The following PAQR3 variants were observed in gnomAD, a reference collection of about 807,000 sequenced individuals.
The protein encoded by PAQR3 is Raf kinase trapping to Golgi.
PAQR3 carries 39 observed loss-of-function variants against 41.7 expected under a neutral mutation model. The observed-to-expected ratio is 0.93, with a 90% CI of 0.72 to 1.22. The LOEUF is 1.22. Ranked by LOEUF, PAQR3 falls within the 50% of genes most tolerant of loss-of-function variation. The probability of loss-of-function intolerance (pLI) is 0.00; values close to 1 mark genes in which losing one functional copy is unlikely to be tolerated. For synonymous variants in PAQR3, 140 were observed against 140.6 expected, an observed-to-expected ratio of 1.00 and a Z score of 0.03; for missense variants, 366 against 385.6, an observed-to-expected ratio of 0.95 and a Z score of 0.42.
In PAQR3 at chr4:78,916,424, T is replaced by A. The variant is rs1306224908; in HGVS notation, c.*4115A>T. On this transcript the variant is annotated 3_prime_UTR_variant, in exon 6 of 6. Transcript: ENST00000512733. ...ATTATGACTTTTGGATGTAAACTTC[T>A]ATTCAAATTCAGTTATTTCATTCAC... 6.6e-6 allele frequency: 1 copy of A among 151,994 alleles called. No individual in the cohort carries two copies. The highest frequency in any genetic ancestry group is 1.5e-5 in the Non-Finnish European group (1 of 67,900). 9.4% of individuals were successfully genotyped at this position (151,994 alleles called of 1,614,324 possible). A position where few individuals can be genotyped will look rare whatever the true frequency, so the allele number is the denominator to read the frequency against.
At chr4:78,892,298 T>C (rs894754867) in intron 11 of PAQR3, among the ~76,000 whole-genome samples, 1 of 152,106 alleles carries the variant, frequency 6.6e-6, no homozygotes, top group African/African-American at 2.4e-5. Flanking sequence ...TTTTCTTACA[T>C]TGTAAATTTT....
In PAQR3 at chr4:78,918,663, C is replaced by G; in HGVS notation, c.*1876G>C. The G allele has an allele frequency of 1.1e-6, 1 of 950,010 alleles. No individual in the cohort carries two copies. The highest frequency in any genetic ancestry group is 1.3e-6 in the Non-Finnish European group (1 of 797,722). 58.8% of individuals were successfully genotyped at this position (950,010 alleles called of 1,614,324 possible). Reference sequence around the variant, plus strand: ...CAAATGGCAAGTATGTATTCATATACTAATACAGGGACTGCAAAAATTGAA... The same window carrying G: ...CAAATGGCAAGTATGTATTCATATAGTAATACAGGGACTGCAAAAATTGAA... On this transcript the variant is annotated 3_prime_UTR_variant, in exon 6 of 6. Transcript: ENST00000512733.
chr4:78,917,869 T>C lies in PAQR3; in HGVS notation c.*2670A>G. 1 of 985,466 alleles carries C rather than the reference T, an allele frequency of 1.0e-6. No individual in the cohort carries two copies. Among genetic ancestry groups the C allele is most frequent in the South Asian group, 4.7e-5 (1 of 21,284 alleles). The allele number at this position is 985,466 out of a possible 1,614,324, so 61.0% of individuals were successfully genotyped here. A position where few individuals can be genotyped will look rare whatever the true frequency, so the allele number is the denominator to read the frequency against. On this transcript the variant is annotated 3_prime_UTR_variant, in exon 6 of 6. Coordinates refer to ENST00000512733, the MANE Select transcript of PAQR3 (RefSeq NM_001040202.2). Reference sequence around the variant, plus strand: ...GATGTGACAGACATTCCCTGAATCTTCGTTCCTGATTCTAAAATATGATTT... The same window carrying C: ...GATGTGACAGACATTCCCTGAATCTCCGTTCCTGATTCTAAAATATGATTT...
Position 78,913,387 on chromosome 4 carries a change from A to G in PAQR3, c.*7152T>C, listed in dbSNP as rs1257253926. 1.6e-4 allele frequency: 25 copies of G among 152,184 alleles called. No individual in the cohort carries two copies. Among genetic ancestry groups the G allele is most frequent in the Admixed American group, 1.6e-3 (25 of 15,272 alleles). 9.4% of individuals were successfully genotyped at this position (152,184 alleles called of 1,614,324 possible). ...AGAAACTTGAGGTTTTATAGAAATC[A>G]TTTAATGATAGAGATTACATATGTG... On this transcript the variant is annotated 3_prime_UTR_variant, in exon 6 of 6. Transcript: ENST00000512733.
At position 78,918,101 on chromosome 4, in the gene PAQR3, A is replaced by G; in HGVS notation, c.*2438T>C. 1 of 973,936 alleles carries G rather than the reference A, an allele frequency of 1.0e-6. No individual in the cohort carries two copies. Among genetic ancestry groups the G allele is most frequent in the African/African-American group, 1.8e-5 (1 of 57,052 alleles). The allele number at this position is 973,936 out of a possible 1,614,324, so 60.3% of individuals were successfully genotyped here. A position where few individuals can be genotyped will look rare whatever the true frequency, so the allele number is the denominator to read the frequency against. ...TCTTAAATGAGTTAACCACAACCAT[A>G]TAAATTGCTAGACAATTTAAAACAG... On this transcript the variant is annotated 3_prime_UTR_variant, in exon 6 of 6. Coordinates refer to ENST00000512733, the MANE Select transcript of PAQR3 (RefSeq NM_001040202.2).
At chr4:78,887,402 T>C in intron 12 of PAQR3, 1 of 754,898 alleles carries the variant, frequency 1.3e-6, no homozygotes. Flanking sequence ...GTAGAAAATA[T>C]TTTAACCTTT....
chr4:78,930,513 G>A, intron 2 of PAQR3, 188 bp from the exon 3 acceptor site: 1 of 414,954 alleles, frequency 2.4e-6, no homozygotes, highest in South Asian at 9.9e-5. Context: ...GAGCCATGAG[G>A]GAAAGCCTCA....
chr4:78,921,318 A>C (rs144287535), intron 5 of PAQR3, among the ~76,000 whole-genome samples: 7 of 152,070 alleles, frequency 4.6e-5, no homozygotes, highest in African/African-American at 1.7e-4. Flanking sequence ...ACATACGGAA[A>C]ACTTCTTGAT....
chr4:78,892,678 A>G (rs180755802), intron 11 of PAQR3, among the ~76,000 whole-genome samples: 25 of 152,344 alleles, frequency 1.6e-4, no homozygotes, highest in Admixed American at 1.2e-3. Context: ...GACCACTACA[A>G]AAAGTGAATA....
intron 4 of PAQR3, 116 bp downstream of exon 4, chr4:78,926,405 T>C: frequency 2.4e-6 from 2 of 818,324 alleles, no homozygotes; most frequent in Non-Finnish European, 3.9e-6. Flanking sequence ...CAATTACAAA[T>C]ATGTTCTCAA....
intron 5 of PAQR3, chr4:78,922,146 T>C: frequency 9.7e-7 from 1 of 1,030,926 alleles, no homozygotes; most frequent in Non-Finnish European, 1.2e-6. Flanking sequence ...TTTACCAGAA[T>C]TGTTTTCTGT....
intron 11 of PAQR3, among the ~76,000 whole-genome samples, chr4:78,905,506 TAC>T (rs1451244270): frequency 1.3e-5 from 2 of 151,976 alleles, no homozygotes; most frequent in African/African-American, 2.4e-5. Flanking sequence ...GTGCACCATC[TAC>T]ACAGTTTTTA....
chr4:78,928,544 T>C (rs1736490422), intron 3 of PAQR3, among the ~76,000 whole-genome samples: 1 of 152,240 alleles, frequency 6.6e-6, no homozygotes, highest in Non-Finnish European at 1.5e-5. Context: ...TCTCTGTTAT[T>C]GTGTAGAGAC....
At chr4:78,928,972 C>T (rs1450571288) in intron 3 of PAQR3, among the ~76,000 whole-genome samples, 3 of 152,180 alleles carry the variant, frequency 2.0e-5, no homozygotes, top group South Asian at 2.1e-4. Context: ...CAATAGGGTT[C>T]GCGCTGCTGT....
intron 11 of PAQR3, among the ~76,000 whole-genome samples, chr4:78,903,496 A>G (rs1245021679): frequency 1.3e-5 from 2 of 152,000 alleles, no homozygotes; most frequent in African/African-American, 4.8e-5. Context: ...CCCAATATTT[A>G]GTGAACATTC....
intron 11 of PAQR3, among the ~76,000 whole-genome samples, chr4:78,898,326 T>G (rs1254829851): frequency 1.3e-5 from 2 of 152,054 alleles, no homozygotes; most frequent in Admixed American, 6.6e-5. Flanking sequence ...ATTTACAGAT[T>G]GTCAGTCCAC....
intron 3 of PAQR3, 105 bp from the exon 4 acceptor site, chr4:78,926,823 T>C: frequency 6.4e-6 from 6 of 939,912 alleles, no homozygotes; most frequent in Non-Finnish European, 6.6e-6. Context: ...ATTTACTTGG[T>C]ATTTGCATTT....
chr4:78,887,110 T>G, downstream of PAQR3: 2 of 1,208,082 alleles, frequency 1.7e-6, no homozygotes, highest in Non-Finnish European at 1.2e-6. Context: ...GTATATCACT[T>G]TTTAATTTAA....
intron 11 of PAQR3, among the ~76,000 whole-genome samples, chr4:78,905,182 A>C (rs1271130955): frequency 4.6e-5 from 7 of 151,874 alleles, no homozygotes; most frequent in Non-Finnish European, 1.0e-4. Flanking sequence ...TTGTTTACAG[A>C]TATTGGTTGA....
Sources: allele counts gnomAD v4.1 joint callset (sites outside exome capture counted in the v4.1 genomes callset), GRCh38; gene constraint gnomAD v4.1.1; transcripts MANE v1.5; gene names NCBI Gene and HGNC (gene_info 2026-07-23, HGNC 2026-07-21).